The following RALGAPA2 variants were observed in gnomAD, a reference collection of about 807,000 sequenced individuals.
RALGAPA2 encodes ral GTPase-activating protein subunit alpha-2.
A neutral mutation model predicts 230.4 loss-of-function variants in RALGAPA2; 139 were observed. The observed-to-expected ratio is 0.60, with a 90% CI of 0.53 to 0.69. The LOEUF is 0.69. RALGAPA2 is among the 30% of genes least tolerant of loss of function. The pLI, the probability that RALGAPA2 is intolerant of heterozygous loss-of-function variation, is 0.00. For synonymous variants in RALGAPA2, 847 were observed against 837.8 expected, an observed-to-expected ratio of 1.01 and a Z score of -0.19; for missense variants, 2,163 against 2,276.0, an observed-to-expected ratio of 0.95 and a Z score of 1.01.
At chr20:20,627,349 A>G (rs375962027) in intron 10 of RALGAPA2, among the ~76,000 whole-genome samples, 1 of 152,144 alleles carries the variant, frequency 6.6e-6, no homozygotes, top group East Asian at 1.9e-4. Context: ...GAAGAAGTTG[A>G]TATTAGGGGA....
At chr20:20,682,570 C>T (rs752707465) in intron 1 of RALGAPA2, among the ~76,000 whole-genome samples, 74 of 152,144 alleles carry the variant, frequency 4.9e-4, no homozygotes, top group Non-Finnish European at 8.5e-4. Context: ...CTCTATGCTT[C>T]CCTGTCACAG....
At chr20:20,636,229 A>C (rs1396137921) in intron 8 of RALGAPA2, among the ~76,000 whole-genome samples, 1 of 152,220 alleles carries the variant, frequency 6.6e-6, no homozygotes, top group Non-Finnish European at 1.5e-5. Flanking sequence ...TAAATTCCAT[A>C]ATCAATATGA....
chr20:20,563,940 C>G (rs1180952065), intron 23 of RALGAPA2, among the ~76,000 whole-genome samples: 1 of 152,116 alleles, frequency 6.6e-6, no homozygotes, highest in East Asian at 1.9e-4. Context: ...ATCTGTGCCT[C>G]AGTCCTTGTT....
chr20:20,513,340 C>A, intron 31 of RALGAPA2, 56 bp from the exon 32 acceptor site: 25 of 1,188,198 alleles, frequency 2.1e-5, no homozygotes, highest in Non-Finnish European at 2.6e-5. Flanking sequence ...GATTAAAACT[C>A]AACACCTTTT....
At chr20:20,673,972 G>C (rs2068229724) in intron 3 of RALGAPA2, among the ~76,000 whole-genome samples, 1 of 152,064 alleles carries the variant, frequency 6.6e-6, no homozygotes, top group Admixed American at 6.6e-5. Flanking sequence ...AAGATCACTT[G>C]AGCCCTGGAG....
chr20:20,616,305 C>A, intron 12 of RALGAPA2, 114 bp from the exon 13 acceptor site: 2 of 945,512 alleles, frequency 2.1e-6, no homozygotes, highest in Non-Finnish European at 1.5e-6. Context: ...CAGTTATTTC[C>A]AAAAGATTCT....
chr20:20,455,013 G>A, intron 37 of RALGAPA2, among the ~76,000 whole-genome samples: 1 of 152,214 alleles, frequency 6.6e-6, no homozygotes, highest in East Asian at 1.9e-4. Flanking sequence ...ATTCACACAT[G>A]CATACACAAA....
chr20:20,650,481 T>C (rs2067361202), intron 4 of RALGAPA2, among the ~76,000 whole-genome samples: 1 of 152,236 alleles, frequency 6.6e-6, no homozygotes. Flanking sequence ...GCATACCGCA[T>C]CAGTGGTGTA....
intron 35 of RALGAPA2, 41 bp downstream of exon 35, chr20:20,503,310 A>T: frequency 6.9e-7 from 1 of 1,445,946 alleles, no homozygotes; most frequent in Non-Finnish European, 9.4e-7. Flanking sequence ...CTCACCTACA[A>T]ACCAGGGCAG....
At chr20:20,553,928 T>C (rs778925046) in intron 23 of RALGAPA2, among the ~76,000 whole-genome samples, 8 of 152,192 alleles carry the variant, frequency 5.3e-5, no homozygotes, top group Non-Finnish European at 1.2e-4. Context: ...ACATGAATTT[T>C]ATTTTATAAT....
At chr20:20,500,218 T>C (rs909254877) in intron 35 of RALGAPA2, among the ~76,000 whole-genome samples, 2 of 152,202 alleles carry the variant, frequency 1.3e-5, no homozygotes, top group African/African-American at 4.8e-5. Flanking sequence ...TAAGGTAAGA[T>C]AATGAAATTG....
At chr20:20,504,723 TAAGAA>T (rs1277077286) in intron 34 of RALGAPA2, among the ~76,000 whole-genome samples, 2 of 150,888 alleles carry the variant, frequency 1.3e-5, no homozygotes, top group African/African-American at 4.9e-5. Context: ...AGACTCTGTC[TAAGAA>T]AAGACAAAAA....
intron 16 of RALGAPA2, among the ~76,000 whole-genome samples, chr20:20,597,127 T>C (rs2065478996): frequency 6.6e-6 from 1 of 152,210 alleles, no homozygotes; most frequent in Non-Finnish European, 1.5e-5. Flanking sequence ...CTGGACAAAC[T>C]AGTGAAAAAC....
At chr20:20,640,929 T>G in intron 5 of RALGAPA2, 51 bp from the exon 6 acceptor site, 3 of 1,466,758 alleles carry the variant, frequency 2.0e-6, no homozygotes, top group Non-Finnish European at 2.8e-6. Context: ...TTTACAGAAA[T>G]GCATTACAAT....
intron 1 of RALGAPA2, among the ~76,000 whole-genome samples, chr20:20,693,492 T>C (rs1603249633): frequency 6.6e-6 from 1 of 152,228 alleles, no homozygotes; most frequent in East Asian, 1.9e-4. Context: ...ATAATCAAAA[T>C]CGCTCCTGAG....
intron 37 of RALGAPA2, among the ~76,000 whole-genome samples, chr20:20,454,103 G>T (rs1421953507): frequency 1.3e-5 from 2 of 152,164 alleles, no homozygotes; most frequent in Non-Finnish European, 1.5e-5. Context: ...TGTGAGCTAA[G>T]CTCAACTTAA....
At chr20:20,410,616 A>T (rs1312213693) in intron 38 of RALGAPA2, among the ~76,000 whole-genome samples, 1 of 152,236 alleles carries the variant, frequency 6.6e-6, no homozygotes, top group Non-Finnish European at 1.5e-5. Context: ...ACCGAGTATG[A>T]AATCTTCATT....
intron 1 of RALGAPA2, among the ~76,000 whole-genome samples, chr20:20,702,885 T>C (rs2069443961): frequency 6.6e-6 from 1 of 152,216 alleles, no homozygotes; most frequent in South Asian, 2.1e-4. Flanking sequence ...ATTTGATTAC[T>C]ACTTTGTCCA....
rs191375276 is a variant in RALGAPA2, at chr20:20,556,224, C to T, written c.3157-9392G>A. Among the ~76,000 whole-genome samples, 312 of 152,308 alleles carry T rather than the reference C, an allele frequency of 2.0e-3. 4 individuals carry two copies. Among genetic ancestry groups the T allele is most frequent in the Admixed American group, 0.019 (290 of 15,302 alleles). ...CAGCTCGCTCCCTCAGCCCCAAGTC[C>T]TTTGCTATGTGAACAAAACATAAAG... On this transcript the variant is annotated intron_variant, in intron 23 of 39. Transcript: ENST00000202677.
Sources: allele counts gnomAD v4.1 joint callset (sites outside exome capture counted in the v4.1 genomes callset), GRCh38; gene constraint gnomAD v4.1.1; transcripts MANE v1.5; gene names NCBI Gene and HGNC (gene_info 2026-07-23, HGNC 2026-07-21).